SART1: variants seen among roughly 807,000 people sequenced by gnomAD.
SART1 encodes the protein spliceosome associated factor 1, recruiter of U4/U6.U5 tri-snRNP, also known as U4/U6.U5 tri-snRNP-associated protein 1.
Under a neutral mutation model 105.0 loss-of-function variants are expected in SART1, and 28 were observed. The observed-to-expected ratio is 0.27, with a 90% CI of 0.20 to 0.37. The LOEUF (loss-of-function observed/expected upper bound fraction) is 0.37. Among genes scored for constraint, SART1 ranks in the 10% least tolerant of loss-of-function variants. The pLI, the probability that SART1 is intolerant of heterozygous loss-of-function variation, is 1.00. For synonymous variants in SART1, 472 were observed against 462.9 expected, an observed-to-expected ratio of 1.02 and a Z score of -0.25; for missense variants, 894 against 1,106.5, an observed-to-expected ratio of 0.81 and a Z score of 2.72.
Position 65,967,773 on chromosome 11 carries a change from G to C in SART1, c.1524G>C (p.Arg508=). 1.3e-6 allele frequency: 2 copies of C among 1,549,972 alleles called. No homozygotes were observed. Among genetic ancestry groups the C allele is most frequent in the Non-Finnish European group, 8.7e-7 (1 of 1,147,220 alleles). The change falls in exon 12 of 20, where the codon CGG becomes CGC. Residue 508 remains arginine, a synonymous_variant. Transcript: ENST00000312397. ...AGAAGCAGCTGGAGAAGGGACGCCG[G>C]CTGCGACAGTTACAGCAGCTACAGC... The part of the protein sequence containing the change: ...ELQKQLEKGR[R]LRQLQQLQQL...
rs1406006913 is a variant in SART1 at position 65,962,080 on chromosome 11, C to T, written c.300C>T (p.Asp100=). 3.4e-6 allele frequency: 4 copies of T among 1,192,512 alleles called. No homozygotes were observed. Among genetic ancestry groups the T allele is most frequent in the African/African-American group, 3.9e-5 (2 of 51,752 alleles). 73.9% of individuals were successfully genotyped at this position (1,192,512 alleles called of 1,614,324 possible). ...ERRVKREKRD[D]GYEAAASSKT... is the part of the protein sequence containing the mutation. ...GCGTGAAGCGGGAGAAGCGCGATGA[C>T]GGCTACGAGGCCGGTGAGGAGGCGG... Residue 100 remains aspartate, a synonymous_variant, in exon 1 of 20, where the codon GAC becomes GAT. Transcript: ENST00000312397.
chr11:65,976,507 C>T lies in SART1; in HGVS notation c.1685C>T (p.Thr562Ile). Residue 562 changes from threonine (T) to isoleucine (I), a missense_variant, in exon 13 of 20, where the codon ACC becomes ATC. By Grantham distance (89) the Thr-to-Ile change is moderately conservative (BLOSUM62 -1). Coordinates refer to ENST00000312397, the MANE Select transcript of SART1 (RefSeq NM_005146.5). The surrounding 1 kb of genome is among the most constrained non-coding windows in gnomAD (Gnocchi z 5.1). ...VFNATSEFCR[T>I]LGEIPTYGLA... ...AACGCCACGTCCGAGTTCTGCCGCACCTTGGGGGAGATCCCCACCTACGGG... is the reference window on the plus strand; with the variant it reads ...AACGCCACGTCCGAGTTCTGCCGCATCTTGGGGGAGATCCCCACCTACGGG... 1 of 1,597,902 alleles carries T rather than the reference C, an allele frequency of 6.3e-7. No individual in the cohort carries two copies. Among genetic ancestry groups the T allele is most frequent in the Non-Finnish European group, 8.5e-7 (1 of 1,171,652 alleles).
rs985064237 is a variant in SART1, at chr11:65,978,161, G to T, written c.2172+262G>T. 2.6e-5 allele frequency: 14 copies of T among 547,294 alleles called. No homozygotes were observed. The highest frequency in any genetic ancestry group is 2.5e-4 in the African/African-American group (13 of 52,772). 33.9% of individuals were successfully genotyped at this position (547,294 alleles called of 1,614,324 possible). A position where few individuals can be genotyped will look rare whatever the true frequency, so the allele number is the denominator to read the frequency against. Reference sequence around the variant, plus strand: ...AGGCACTCGGGACCTCTGCCCTCCTGTCCTCACCTGCGTGAGCCCTTCACT... The same window carrying T: ...AGGCACTCGGGACCTCTGCCCTCCTTTCCTCACCTGCGTGAGCCCTTCACT... On this transcript the variant is annotated intron_variant, in intron 17 of 19. Transcript: ENST00000312397. The surrounding 1 kb of genome is among the most constrained non-coding windows in gnomAD (Gnocchi z 6.8).
chr11:65,961,898 C>T lies in SART1; in HGVS notation c.118C>T (p.His40Tyr), dbSNP rs758689000. ...GCACCGGGAACACAAAAAACACAAGCACCGGAGTGGCGGCAGTGGCGGTAG... is the reference window on the plus strand; with the variant it reads ...GCACCGGGAACACAAAAAACACAAGTACCGGAGTGGCGGCAGTGGCGGTAG... Reference protein sequence around the residue: ...PRHREHKKHKHRSGGSGGSGG... With the variant: ...PRHREHKKHKYRSGGSGGSGG... The change falls in exon 1 of 20, where the codon CAC (histidine) becomes TAC (tyrosine). Residue 40 changes from histidine (H) to tyrosine (Y), a missense_variant. His to Tyr is a moderately conservative substitution (Grantham distance 83, BLOSUM62 2). This residue lies in a region of SART1 where 712 missense variants were observed against 778.2 expected (regional missense o/e 0.91). Transcript: ENST00000312397. The T allele has an allele frequency of 1.3e-6, 2 of 1,555,732 alleles. No homozygotes were observed. Among genetic ancestry groups the T allele is most frequent in the East Asian group, 2.5e-5 (1 of 40,412 alleles).
rs1855514080 is a variant in SART1, at chr11:65,977,809, C to T, written c.2082C>T (p.Phe694=). The change falls in exon 17 of 20, where the codon TTC becomes TTT. Residue 694 remains phenylalanine, a synonymous_variant. Coordinates refer to ENST00000312397, the MANE Select transcript of SART1 (RefSeq NM_005146.5). ...KYSRREEYRG[F]TQDFKEKDGY... is the part of the protein sequence containing the mutation. ...GCCGGAGGGAGGAATACCGAGGCTT[C>T]ACACAGGACTTCAAGGAGAAGGACG... 1.2e-6 allele frequency: 2 copies of T among 1,614,038 alleles called. No homozygotes were observed. Among genetic ancestry groups the T allele is most frequent in the Non-Finnish European group, 1.7e-6 (2 of 1,180,022 alleles).
At chr11:65,974,303 G>A (rs1340528320) in intron 12 of SART1, among the ~76,000 whole-genome samples, 1 of 150,134 alleles carries the variant, frequency 6.7e-6, no homozygotes, top group African/African-American at 2.5e-5. Context: ...GAACCCGAGA[G>A]GTGGAGGTTG....
chr11:65,977,010 G>T lies in SART1; in HGVS notation c.1858-4G>T. 1 of 1,613,298 alleles carries T rather than the reference G, an allele frequency of 6.2e-7. No homozygotes were observed. Among genetic ancestry groups the T allele is most frequent in the Non-Finnish European group, 8.5e-7 (1 of 1,179,268 alleles). ...GCTAACCACCCCCGCCACGTGTCCC[G>T]TAGTTCTCTGCTTCCTCCACCACCA... On this transcript the variant is annotated splice_polypyrimidine_tract_variant and splice_region_variant and intron_variant, in intron 14 of 19. Transcript: ENST00000312397.
At position 65,978,528 on chromosome 11, in the gene SART1, A is replaced by G; in HGVS notation, c.2173-72A>G. On this transcript the variant is annotated intron_variant, in intron 17 of 19. Transcript: ENST00000312397. The surrounding 1 kb of genome is among the most constrained non-coding windows in gnomAD (Gnocchi z 6.8). Reference sequence around the variant, plus strand: ...CAATCAACACCCGCCCTGTTATTATACACCTTGTGGGCACAGGTGGCTCCG... The same window carrying G: ...CAATCAACACCCGCCCTGTTATTATGCACCTTGTGGGCACAGGTGGCTCCG... 1 of 1,437,596 alleles carries G rather than the reference A, an allele frequency of 7.0e-7. No individual in the cohort carries two copies. Among genetic ancestry groups the G allele is most frequent in the South Asian group, 1.2e-5 (1 of 81,618 alleles). The allele number at this position is 1,437,596 out of a possible 1,614,324, so 89.1% of individuals were successfully genotyped here.
At chr11:65,973,636 C>G (rs1407824976) in intron 12 of SART1, among the ~76,000 whole-genome samples, 1 of 152,212 alleles carries the variant, frequency 6.6e-6, no homozygotes, top group Non-Finnish European at 1.5e-5. Context: ...CCACCCCACA[C>G]CTCTCCCGAG....
At chr11:65,967,405 GGGCGAGAT>G (rs1156838374) in intron 10 of SART1, 22 bp downstream of exon 10, 1 of 1,613,920 alleles carries the variant, frequency 6.2e-7, no homozygotes, top group Admixed American at 1.7e-5. Context: ...CACGGTGGTG[GGGCGAGAT>G]GGCTGGGCTG....
In SART1 at chr11:65,979,255, CT is replaced by C; in HGVS notation, c.*226del. ...TCCTCTAAGGCTCCTTCCTTCTCCC[CT>C]GGCTGTCGGTCACACCTCTGCAGGG... On this transcript the variant is annotated 3_prime_UTR_variant, in exon 20 of 20. Transcript: ENST00000312397. 1.6e-6 allele frequency: 1 copy of C among 620,304 alleles called. No individual in the cohort carries two copies. The highest frequency in any genetic ancestry group is 2.8e-6 in the Non-Finnish European group (1 of 351,956). The allele number at this position is 620,304 out of a possible 1,614,324, so 38.4% of individuals were successfully genotyped here. A position where few individuals can be genotyped will look rare whatever the true frequency, so the allele number is the denominator to read the frequency against.
Position 65,978,026 on chromosome 11 carries a change from G to A in SART1, c.2172+127G>A, listed in dbSNP as rs906829882. On this transcript the variant is annotated intron_variant, in intron 17 of 19. Transcript: ENST00000312397. The surrounding 1 kb of genome is among the most constrained non-coding windows in gnomAD (Gnocchi z 6.8). The stretch of plus-strand genomic sequence containing the variant: ...TCCACCAGCCTCTGGCTGGGGGCCT[G>A]GTGAATGCCACGGATGGGGAGGGGG... 5 of 1,050,064 alleles carry A rather than the reference G, an allele frequency of 4.8e-6. No individual in the cohort carries two copies. In the South Asian group the frequency reaches 8.1e-5, roughly 17 times the overall value. 65.0% of individuals were successfully genotyped at this position (1,050,064 alleles called of 1,614,324 possible). A position where few individuals can be genotyped will look rare whatever the true frequency, so the allele number is the denominator to read the frequency against.
Position 65,965,912 on chromosome 11 carries a change from A to G in SART1, c.764A>G (p.Gln255Arg), listed in dbSNP as rs769293764. Residue 255 changes from glutamine to arginine, a missense_variant, in exon 7 of 20, where the codon CAG (glutamine) becomes CGG (arginine). Transcript: ENST00000312397. Reference sequence around the variant, plus strand: ...GACCTGTACAGTGCCCGGGACCTGCAGGGCCTCACCGTGGAGCATGCCATT... The same window carrying G: ...GACCTGTACAGTGCCCGGGACCTGCGGGGCCTCACCGTGGAGCATGCCATT... ...RQDLYSARDL[Q>R]GLTVEHAIDS... 3 of 1,613,976 alleles carry G rather than the reference A, an allele frequency of 1.9e-6. No individual in the cohort carries two copies. The highest frequency in any genetic ancestry group is 1.3e-5 in the African/African-American group (1 of 74,908).
At chr11:65,962,125 TC>T in intron 1 of SART1, 32 bp downstream of exon 1, 1 of 62,144 alleles carries the variant, frequency 1.6e-5, no homozygotes, top group Non-Finnish European at 3.0e-5. Flanking sequence ...AGGGGGCGGG[TC>T]GGGCGGGGGT....
At chr11:65,966,265 C>T (rs1256065149) in intron 8 of SART1, 47 bp downstream of exon 8, 23 of 1,613,490 alleles carry the variant, frequency 1.4e-5, no homozygotes, top group Middle Eastern at 1.7e-4. Context: ...TGGAGAATGT[C>T]GGGAATGGGG....
rs376324863 is a variant in SART1 at position 65,967,778 on chromosome 11, G to A, written c.1529G>A (p.Arg510Gln). ...QKQLEKGRRL[R>Q]QLQQLQQLRD... The stretch of plus-strand genomic sequence containing the variant: ...CAGCTGGAGAAGGGACGCCGGCTGC[G>A]ACAGTTACAGCAGCTACAGCAGCTG... The change falls in exon 12 of 20, where the codon CGA becomes CAA. Residue 510 changes from arginine to glutamine, a missense_variant. Coordinates refer to ENST00000312397, the MANE Select transcript of SART1 (RefSeq NM_005146.5). 8.0e-5 allele frequency: 124 copies of A among 1,549,382 alleles called. No individual in the cohort carries two copies. Among genetic ancestry groups the A allele is most frequent in the Non-Finnish European group, 1.0e-4 (116 of 1,147,024 alleles).
rs1280797260 is a variant in SART1 at position 65,978,448 on chromosome 11, G to A, written c.2173-152G>A. On this transcript the variant is annotated intron_variant, in intron 17 of 19. Transcript: ENST00000312397. The surrounding 1 kb of genome is among the most constrained non-coding windows in gnomAD (Gnocchi z 6.8). ...TGCTGGGGCCCTGCAGGGTGCCAGC[G>A]TCTGTGCTCTTTTCCCATCCCCTTC... 21 of 716,050 alleles carry A rather than the reference G, an allele frequency of 2.9e-5. No homozygotes were observed. Among genetic ancestry groups the A allele is most frequent in the African/African-American group, 5.2e-5 (3 of 57,242 alleles). The allele number at this position is 716,050 out of a possible 1,614,324, so 44.4% of individuals were successfully genotyped here.
chr11:65,966,200 C>T lies in SART1; in HGVS notation c.963C>T (p.Ser321=), dbSNP rs201006690. 6 of 1,614,006 alleles carry T rather than the reference C, an allele frequency of 3.7e-6. No homozygotes were observed. The highest frequency in any genetic ancestry group is 2.2e-5 in the East Asian group (1 of 44,880). The change falls in exon 8 of 20, where the codon AGC becomes AGT. Residue 321 remains serine, a synonymous_variant. Transcript: ENST00000312397. Reference sequence around the variant, plus strand: ...ACCTGCCCTATGCCGAGGACGAGAGCGTGGACGACCTGGCGCAGGCACGGC... The same window carrying T: ...ACCTGCCCTATGCCGAGGACGAGAGTGTGGACGACCTGGCGCAGGCACGGC... The part of the protein sequence containing the change: ...PDYLPYAEDE[S]VDDLAQQKPR...
intron 3 of SART1, 93 bp from the exon 4 acceptor site, chr11:65,964,998 GC>G: frequency 6.9e-7 from 1 of 1,459,020 alleles, no homozygotes. Context: ...ACCCCTTCTG[GC>G]CCCCTGAGCT....
Sources: allele counts gnomAD v4.1 joint callset (sites outside exome capture counted in the v4.1 genomes callset), GRCh38; gene constraint gnomAD v4.1.1; regional missense constraint gnomAD v4.1.1; non-coding constraint Gnocchi (gnomAD v3.1); transcripts MANE v1.5; gene names NCBI Gene and HGNC (gene_info 2026-07-23, HGNC 2026-07-21).